The following KANK1 variants were observed in gnomAD, a reference collection of about 807,000 sequenced individuals.
KANK1 encodes the protein KN motif and ankyrin repeat domain-containing protein 1.
Under a neutral mutation model 106.2 loss-of-function variants are expected in KANK1, and 109 were observed. The observed-to-expected ratio is 1.03, with a 90% CI of 0.88 to 1.20. The LOEUF (loss-of-function observed/expected upper bound fraction) is 1.20, where lower values mean the gene tolerates loss of function less well. Among genes scored for constraint, KANK1 ranks in the 50% most tolerant of loss-of-function variants. The probability of loss-of-function intolerance (pLI) is 0.00; values close to 1 mark genes in which losing one functional copy is unlikely to be tolerated. For synonymous variants in KANK1, 873 were observed against 652.2 expected (o/e 1.34, Z -5.16); for missense variants, 2,399 against 1,710.7 (o/e 1.40, Z -7.10).
intron 1 of KANK1, among the ~76,000 whole-genome samples, chr9:518,275 G>T (rs530170209): frequency 9.2e-5 from 14 of 151,768 alleles, no homozygotes; most frequent in Non-Finnish European, 1.9e-4. Context: ...TACCTGTTGA[G>T]GCCCATCTGA....
At chr9:500,752 CAG>C (rs1251035306), upstream of KANK1, among the ~76,000 whole-genome samples, 1 of 152,216 alleles carries the variant, frequency 6.6e-6, no homozygotes, top group Non-Finnish European at 1.5e-5. Flanking sequence ...GAATCTTTCA[CAG>C]AGGAGCCAAG....
At position 744,528 on chromosome 9, in the gene KANK1, G is replaced by A. The variant is rs748192548; in HGVS notation, c.3935G>A (p.Gly1312Glu). The A allele has an allele frequency of 5.0e-6, 8 of 1,614,036 alleles. No individual in the cohort carries two copies. Among genetic ancestry groups the A allele is most frequent in the South Asian group, 3.3e-5 (3 of 91,062 alleles). The stretch of plus-strand genomic sequence containing the variant: ...GCGCTCTCAATCGCCCTGGAAGCAG[G>A]ACACAAGGACATCGCTGTTCTTCTG... The part of the protein sequence containing the change: ...STALSIALEA[G>E]HKDIAVLLYA... Residue 1312 changes from glycine (G) to glutamate (E), a missense_variant, in exon 11 of 12, where the codon GGA becomes GAA. Coordinates refer to ENST00000382297, the MANE Select transcript of KANK1 (RefSeq NM_015158.5).
intron 1 of KANK1, among the ~76,000 whole-genome samples, chr9:534,743 C>T (rs897629126): frequency 6.6e-6 from 1 of 152,164 alleles, no homozygotes; most frequent in Non-Finnish European, 1.5e-5. Context: ...CTTTTTTCTT[C>T]CTCTGATGGC....
At chr9:506,815 A>G (rs952241010) in intron 1 of KANK1, among the ~76,000 whole-genome samples, 5 of 152,166 alleles carry the variant, frequency 3.3e-5, no homozygotes, top group African/African-American at 1.2e-4. Flanking sequence ...AGTGCAAGGA[A>G]CTGGGAAGAG....
chr9:556,830 G>T (rs1276726588), intron 1 of KANK1, among the ~76,000 whole-genome samples: 1 of 152,108 alleles, frequency 6.6e-6, no homozygotes, highest in Non-Finnish European at 1.5e-5. Context: ...GCTTGTTACA[G>T]ACTCACTTAG....
At chr9:731,598 A>G (rs1004330596) in intron 5 of KANK1, 1 of 162,660 alleles carries the variant, frequency 6.1e-6, no homozygotes, top group Non-Finnish European at 1.3e-5. Context: ...CTCACAATTG[A>G]GCAGAAAAAG....
At chr9:735,528 CT>C (rs1833556200) in intron 7 of KANK1, among the ~76,000 whole-genome samples, 1 of 152,200 alleles carries the variant, frequency 6.6e-6, no homozygotes, top group Non-Finnish European at 1.5e-5. Flanking sequence ...GACTAACCCC[CT>C]GGTTGACAGC....
At chr9:648,629 T>G (rs1052434597) in intron 1 of KANK1, among the ~76,000 whole-genome samples, 13 of 152,148 alleles carry the variant, frequency 8.5e-5, no homozygotes, top group African/African-American at 3.1e-4. Context: ...AGCAACATGA[T>G]AGTAACAAAG....
chr9:623,164 A>G lies in KANK1; in HGVS notation c.-83-53726A>G, dbSNP rs1833550142. On this transcript the variant is annotated intron_variant, in intron 1 of 11. Transcript: ENST00000382297. ...AATGTCTACAAACCATATATCTGGT[A>G]AAAGGTCAATGTCCATAATATACGA... Among the ~76,000 whole-genome samples, 4 of 152,294 alleles carry G rather than the reference A, an allele frequency of 2.6e-5. No individual in the cohort carries two copies. The South Asian group carries it at 8.3e-4, about 32-fold the overall frequency.
intron 1 of KANK1, among the ~76,000 whole-genome samples, chr9:555,999 T>A (rs894515240): frequency 7.9e-5 from 12 of 152,224 alleles, no homozygotes; most frequent in African/African-American, 2.9e-4. Context: ...ATACTTAAAA[T>A]GACTTTTTAA....
At chr9:744,376 T>G in intron 10 of KANK1, 115 bp from the exon 11 acceptor site, 3 of 1,199,020 alleles carry the variant, frequency 2.5e-6, no homozygotes, top group Non-Finnish European at 2.3e-6. Context: ...ACCGAACGAG[T>G]AGGGATATTT....
At chr9:500,722 AAAC>A (rs2058535725), upstream of KANK1, among the ~76,000 whole-genome samples, 1 of 152,228 alleles carries the variant, frequency 6.6e-6, no homozygotes. Context: ...TGAAAGCCAG[AAAC>A]AACAGAAAAT....
rs370473536 is a variant in KANK1 at position 518,355 on chromosome 9, T to C, written c.-84+13601T>C. 1.5e-4 allele frequency among the ~76,000 whole-genome samples: 23 copies of C among 151,486 alleles called. No individual in the cohort carries two copies. In the South Asian group the frequency reaches 4.2e-3, roughly 27 times the overall value. On this transcript the variant is annotated intron_variant, in intron 1 of 11. Coordinates refer to ENST00000382297, the MANE Select transcript of KANK1 (RefSeq NM_015158.5). ...ATTTAAGCTCCGCTCCCAGGCTGGG[T>C]TGTGTCATCCCGAGCCTCCCCTTCT...
intron 11 of KANK1, 41 bp downstream of exon 11, chr9:744,630 C>A (rs750218516): frequency 1.1e-5 from 18 of 1,613,982 alleles, no homozygotes; most frequent in Non-Finnish European, 1.4e-5. Flanking sequence ...AGGCTGAAAT[C>A]CACCAGACTG....
intron 1 of KANK1, among the ~76,000 whole-genome samples, chr9:582,207 C>T (rs1822341630): frequency 6.6e-6 from 1 of 152,010 alleles, no homozygotes; most frequent in South Asian, 2.1e-4. Flanking sequence ...TGGCTACTTG[C>T]TGGAGGTTTG....
intron 1 of KANK1, among the ~76,000 whole-genome samples, chr9:542,973 G>C (rs1281051006): frequency 6.6e-6 from 1 of 152,166 alleles, no homozygotes; most frequent in African/African-American, 2.4e-5. Context: ...CTATTGTACA[G>C]TGTGGTGACT....
In KANK1 at chr9:742,283, G is replaced by T; in HGVS notation, c.3775G>T (p.Asp1259Tyr). The change falls in exon 10 of 12, where the codon GAT becomes TAT. Residue 1259 changes from aspartate (D) to tyrosine (Y), a missense_variant. Coordinates refer to ENST00000382297, the MANE Select transcript of KANK1 (RefSeq NM_015158.5). ...GAAGGGCCTTCTGGCCTGTGGGGCTGATGTCAACATCCAGGATGACGAGGG... is the reference window on the plus strand; with the variant it reads ...GAAGGGCCTTCTGGCCTGTGGGGCTTATGTCAACATCCAGGATGACGAGGG... ...MVKGLLACGA[D>Y]VNIQDDEGST... 6.2e-7 allele frequency: 1 copy of T among 1,614,184 alleles called. No individual in the cohort carries two copies. Among genetic ancestry groups the T allele is most frequent in the Non-Finnish European group, 8.5e-7 (1 of 1,180,020 alleles).
intron 11 of KANK1, 45 bp downstream of exon 11, chr9:744,634 C>A (rs796579882): frequency 3.1e-6 from 5 of 1,613,918 alleles, no homozygotes; most frequent in Non-Finnish European, 4.2e-6. Context: ...TGAAATCCAC[C>A]AGACTGGTGG....
chr9:587,691 C>T (rs1447285272), intron 1 of KANK1, among the ~76,000 whole-genome samples: 1 of 152,138 alleles, frequency 6.6e-6, no homozygotes, highest in African/African-American at 2.4e-5. Flanking sequence ...AAGCTAAATA[C>T]CAAGCATTTT....
Sources: allele counts gnomAD v4.1 joint callset (sites outside exome capture counted in the v4.1 genomes callset), GRCh38; gene constraint gnomAD v4.1.1; transcripts MANE v1.5; gene names NCBI Gene and HGNC (gene_info 2026-07-23, HGNC 2026-07-21).